The following SYNE2 variants were observed in gnomAD, a reference collection of about 807,000 sequenced individuals.
SYNE2 encodes the protein nesprin-2.
Under a neutral mutation model 856.3 loss-of-function variants are expected in SYNE2, and 431 were observed. The ratio of observed to expected loss-of-function variants is 0.50; its 90% CI spans 0.47 to 0.55. The LOEUF is 0.55. SYNE2 is among the 20% of genes least tolerant of loss of function. The pLI, the probability that SYNE2 is intolerant of heterozygous loss-of-function variation, is 0.00. For synonymous variants in SYNE2, 2,923 were observed against 2,872.3 expected (o/e 1.02, Z -0.56); for missense variants, 8,129 against 8,023.2 (o/e 1.01, Z -0.50).
At chr14:63,874,402 G>T (rs566400704) in intron 1 of SYNE2, among the ~76,000 whole-genome samples, 4 of 152,170 alleles carry the variant, frequency 2.6e-5, no homozygotes, top group Non-Finnish European at 5.9e-5. Flanking sequence ...TCACCTCCTG[G>T]CTCTGCAGGC....
chr14:63,878,001 C>T (rs571620165), intron 1 of SYNE2, among the ~76,000 whole-genome samples: 1 of 152,164 alleles, frequency 6.6e-6, no homozygotes, highest in South Asian at 2.1e-4. Flanking sequence ...GATCCTCCCA[C>T]CTTAGCCTCC....
chr14:63,954,172 AGAG>A (rs1281709212), intron 7 of SYNE2, among the ~76,000 whole-genome samples: 1 of 152,200 alleles, frequency 6.6e-6, no homozygotes, highest in African/African-American at 2.4e-5. Flanking sequence ...GGTTTTAAGC[AGAG>A]GAGTGACAAG....
At chr14:64,191,511 A>G (rs2139662180) in intron 99 of SYNE2, among the ~76,000 whole-genome samples, 1 of 152,324 alleles carries the variant, frequency 6.6e-6, no homozygotes, top group South Asian at 2.1e-4. Context: ...GCAAACAGGT[A>G]CAGAATAGAG....
chr14:64,188,809 A>C (rs2098504071), intron 98 of SYNE2, 101 bp downstream of exon 98: 1 of 1,285,780 alleles, frequency 7.8e-7, no homozygotes. Context: ...GGGTGTTTCC[A>C]GTAGCATTTT....
At chr14:63,773,740 T>A (rs1443431386) in intron 1 of SYNE2, among the ~76,000 whole-genome samples, 2 of 152,132 alleles carry the variant, frequency 1.3e-5, no homozygotes, top group Non-Finnish European at 2.9e-5. Context: ...AGAAGCTATG[T>A]TTAATATGGT....
intron 85 of SYNE2, among the ~76,000 whole-genome samples, chr14:64,155,064 C>T (rs2098274557): frequency 6.6e-6 from 1 of 152,138 alleles, no homozygotes; most frequent in African/African-American, 2.4e-5. Context: ...TCTGGCAGTT[C>T]CTCAAATGGT....
At chr14:63,831,510 A>T (rs1889665899) in intron 1 of SYNE2, among the ~76,000 whole-genome samples, 1 of 141,220 alleles carries the variant, frequency 7.1e-6, no homozygotes. Context: ...TTTCTCATTG[A>T]CTTCTGGAAA....
At chr14:63,816,160 G>C (rs1360823804) in intron 1 of SYNE2, among the ~76,000 whole-genome samples, 1 of 151,946 alleles carries the variant, frequency 6.6e-6, no homozygotes, top group Non-Finnish European at 1.5e-5. Context: ...TGTTGGCCAG[G>C]ATAGTCTTGG....
chr14:64,051,920 C>A lies in SYNE2; in HGVS notation c.8007C>A (p.Thr2669=), dbSNP rs368090941. 4.3e-5 allele frequency: 70 copies of A among 1,613,872 alleles called. No individual in the cohort carries two copies. In the African/African-American group the frequency reaches 9.2e-4, roughly 21 times the overall value. ...GGAACCAAAGCATGATTGCCTTGACCACTGACCTCCAGGCTACCAAGCATG... is the reference window on the plus strand; with the variant it reads ...GGAACCAAAGCATGATTGCCTTGACAACTGACCTCCAGGCTACCAAGCATG... ...RAGNQSMIAL[T]TDLQATKHGF... The change falls in exon 48 of 116, where the codon ACC becomes ACA. Residue 2669 remains threonine, a synonymous_variant. Transcript: ENST00000555002.
intron 48 of SYNE2, among the ~76,000 whole-genome samples, chr14:64,054,555 C>T (rs776013340): frequency 1.3e-5 from 2 of 152,170 alleles, no homozygotes; most frequent in African/African-American, 2.4e-5. Context: ...AAATCCTTCC[C>T]GCAGTGCCTG....
In SYNE2 at chr14:64,053,009, A is replaced by C; in HGVS notation, c.9096A>C (p.Glu3032Asp). The change falls in exon 48 of 116, where the codon GAA (glutamate) becomes GAC (aspartate). Residue 3032 changes from glutamate to aspartate, a missense_variant. This residue lies in a region of SYNE2 where 5,410 missense variants were observed against 5,284.8 expected (regional missense o/e 1.02). Transcript: ENST00000555002. ...TQVFEKEKEL[E>D]EKIKQLDTFE... Reference sequence around the variant, plus strand: ...TATTTGAAAAAGAAAAGGAACTTGAAGAAAAAATTAAGCAGTTGGACACAT... The same window carrying C: ...TATTTGAAAAAGAAAAGGAACTTGACGAAAAAATTAAGCAGTTGGACACAT... 1 of 1,611,842 alleles carries C rather than the reference A, an allele frequency of 6.2e-7. No homozygotes were observed.
rs771893487 is a variant in SYNE2 at position 64,202,942 on chromosome 14, G to C, written c.18180G>C (p.Gln6060His). The change falls in exon 100 of 116, where the codon CAG (glutamine) becomes CAC (histidine). Residue 6060 changes from glutamine to histidine, a missense_variant. Physicochemically the swap from Gln to His is conservative, Grantham distance 24. Coordinates refer to ENST00000555002, the MANE Select transcript of SYNE2 (RefSeq NM_182914.3). ...ATGTCTGCGATGATCAAGAGATCCA[G>C]AAGAGGCTCGCTGAGCAGCAGGTGG... The part of the protein sequence containing the change: ...VYDVCDDQEI[Q>H]KRLAEQQDLQ... 1.4e-5 allele frequency: 22 copies of C among 1,614,054 alleles called. No homozygotes were observed. The highest frequency in any genetic ancestry group is 1.7e-5 in the Non-Finnish European group (20 of 1,180,036).
chr14:64,216,414 A>T (rs2098666773), intron 108 of SYNE2, 27 bp downstream of exon 108: 1 of 1,611,572 alleles, frequency 6.2e-7, no homozygotes, highest in African/African-American at 1.3e-5. Context: ...CTGGGAGTAC[A>T]GCCTATGTCT....
intron 2 of SYNE2, among the ~76,000 whole-genome samples, chr14:63,927,580 C>T (rs2095686054): frequency 6.6e-6 from 1 of 151,958 alleles, no homozygotes; most frequent in South Asian, 2.1e-4. Context: ...CTCTCATTCT[C>T]TCTTGTCTGC....
chr14:64,075,481 T>C (rs1040760565), intron 53 of SYNE2: 24 of 196,620 alleles, frequency 1.2e-4, no homozygotes, highest in Non-Finnish European at 2.0e-4. Context: ...TACATGAAAG[T>C]AGACACTTCT....
At chr14:63,915,464 G>A (rs879756285) in intron 2 of SYNE2, among the ~76,000 whole-genome samples, 1 of 152,074 alleles carries the variant, frequency 6.6e-6, no homozygotes, top group Non-Finnish European at 1.5e-5. Context: ...AACAACATAG[G>A]CCAATGCTCT....
rs375971416 is a variant in SYNE2 at position 64,190,236 on chromosome 14, A to C, written c.18037A>C (p.Arg6013=). ...WQHLFDVIGS[R]VKKLKETFAF... is the part of the protein sequence containing the mutation. Reference sequence around the variant, plus strand: ...ACATCTTTTTGATGTCATCGGATCAAGGTAAGAAATGGGCTAAAAATGATT... The same window carrying C: ...ACATCTTTTTGATGTCATCGGATCACGGTAAGAAATGGGCTAAAAATGATT... Residue 6013 remains arginine, a splice_region_variant and synonymous_variant, in exon 99 of 116, where the codon AGG becomes CGG. Transcript: ENST00000555002. 191 of 1,614,180 alleles carry C rather than the reference A, an allele frequency of 1.2e-4. 2 individuals carry two copies. Among genetic ancestry groups the C allele is most frequent in the East Asian group, 1.2e-3 (53 of 44,882 alleles).
intron 53 of SYNE2, chr14:64,075,687 G>A: frequency 2.3e-6 from 1 of 439,440 alleles, no homozygotes; most frequent in Non-Finnish European, 4.2e-6. Context: ...TTAGAAGCAG[G>A]GGGTGTTGTA....
At position 63,980,683 on chromosome 14, in the gene SYNE2, T is replaced by C. The variant is rs2096578959; in HGVS notation, c.1599T>C (p.Ala533=). ...TTATTGAAGAAAAAGAATTCCTAGC[T>C]CGACTTGATACTTCTTTTCAAAAAT... ...HKFIEEKEFL[A]RLDTSFQKCG... Residue 533 remains alanine (A), a synonymous_variant, in exon 15 of 116, where the codon GCT becomes GCC. Coordinates refer to ENST00000555002, the MANE Select transcript of SYNE2 (RefSeq NM_182914.3). The C allele has an allele frequency of 1.9e-6, 3 of 1,606,930 alleles. No individual in the cohort carries two copies. The highest frequency in any genetic ancestry group is 1.7e-6 in the Non-Finnish European group (2 of 1,173,822).
Sources: allele counts gnomAD v4.1 joint callset (sites outside exome capture counted in the v4.1 genomes callset), GRCh38; gene constraint gnomAD v4.1.1; regional missense constraint gnomAD v4.1.1; transcripts MANE v1.5; gene names NCBI Gene and HGNC (gene_info 2026-07-23, HGNC 2026-07-21).